The following RBM47 variants were observed in gnomAD, a reference collection of about 807,000 sequenced individuals.
The protein encoded by RBM47 is RNA-binding protein 47.
Under a neutral mutation model 47.1 loss-of-function variants are expected in RBM47, and 21 were observed. That is an observed-to-expected ratio of 0.45 (90% CI 0.32 to 0.64). The LOEUF (loss-of-function observed/expected upper bound fraction) is 0.64. Among genes scored for constraint, RBM47 ranks in the 30% least tolerant of loss-of-function variants. The probability of loss-of-function intolerance (pLI) is 0.05; values close to 1 mark genes in which losing one functional copy is unlikely to be tolerated. For synonymous variants in RBM47, 375 were observed against 361.7 expected (o/e 1.04, Z -0.42); for missense variants, 708 against 870.9 (o/e 0.81, Z 2.35).
intron 2 of RBM47, among the ~76,000 whole-genome samples, chr4:40,522,988 T>A (rs1027124439): frequency 7.5e-5 from 10 of 133,434 alleles, no homozygotes; most frequent in African/African-American, 3.2e-4. Flanking sequence ...TTTTTTTTTT[T>A]ACACAGAGTC....
At chr4:40,437,192 T>C (rs1712777273) in intron 4 of RBM47, among the ~76,000 whole-genome samples, 1 of 90,582 alleles carries the variant, frequency 1.1e-5, no homozygotes, top group South Asian at 4.6e-4. Flanking sequence ...TATATACTAT[T>C]AAATAATTTT....
At chr4:40,428,665 C>T (rs1331547286) in intron 6 of RBM47, among the ~76,000 whole-genome samples, 1 of 152,182 alleles carries the variant, frequency 6.6e-6, no homozygotes, top group Non-Finnish European at 1.5e-5. Flanking sequence ...TTCAGGCTGC[C>T]CACTCCAACA....
At chr4:40,574,388 C>T (rs567606056) in intron 1 of RBM47, among the ~76,000 whole-genome samples, 1 of 152,160 alleles carries the variant, frequency 6.6e-6, no homozygotes, top group Non-Finnish European at 1.5e-5. Context: ...CTGAGACAAA[C>T]TGAAAAGTTA....
At chr4:40,550,907 C>CAA (rs796760473) in intron 1 of RBM47, among the ~76,000 whole-genome samples, 2 of 133,556 alleles carry the variant, frequency 1.5e-5, no homozygotes, top group Admixed American at 7.5e-5. Context: ...TCAAGGAATG[C>CAA]AAAAAAAAAA....
At chr4:40,512,057 G>C (rs114445213) in intron 2 of RBM47, among the ~76,000 whole-genome samples, 1,775 of 152,210 alleles carry the variant, frequency 0.012, 31 homozygotes, top group East Asian at 0.054. Flanking sequence ...TTTGTTTTTA[G>C]ATTTTTCCCC....
At chr4:40,490,596 GATCTAGGCC>G (rs1251497109) in intron 2 of RBM47, among the ~76,000 whole-genome samples, 2 of 151,878 alleles carry the variant, frequency 1.3e-5, no homozygotes, top group African/African-American at 4.8e-5. Context: ...AGAAATCAAA[GATCTAGGCC>G]ATCTATTAAA....
intron 2 of RBM47, among the ~76,000 whole-genome samples, chr4:40,506,401 T>A (rs1724103572): frequency 6.6e-6 from 1 of 152,196 alleles, no homozygotes; most frequent in Non-Finnish European, 1.5e-5. Flanking sequence ...CAAACTGAGA[T>A]CTCCTAGACA....
At chr4:40,615,032 A>G (rs62301884) in intron 1 of RBM47, among the ~76,000 whole-genome samples, 16,525 of 152,078 alleles carry the variant, frequency 0.11, 972 homozygotes, top group South Asian at 0.12. Context: ...AGGCTGAGGC[A>G]GAAGGATCGT....
chr4:40,553,846 C>A (rs1729808537), intron 1 of RBM47, among the ~76,000 whole-genome samples: 1 of 152,150 alleles, frequency 6.6e-6, no homozygotes, highest in African/African-American at 2.4e-5. Context: ...TACTTGAATT[C>A]AGAGTGCTGA....
rs1419096057 is a variant in RBM47 at position 40,544,490 on chromosome 4, G to A, written c.-223C>T. 2 of 152,082 alleles carry A rather than the reference G, an allele frequency of 1.3e-5. No individual in the cohort carries two copies. The highest frequency in any genetic ancestry group is 2.9e-5 in the Non-Finnish European group (2 of 68,022). 9.4% of individuals were successfully genotyped at this position (152,082 alleles called of 1,614,324 possible). On this transcript the variant is annotated 5_prime_UTR_variant, in exon 2 of 7. Coordinates refer to ENST00000295971, the MANE Select transcript of RBM47 (RefSeq NM_001098634.2). ...GACCTGACGCAGAGTCTCTTTCCAAGGCCTCCGTTACCTGAGCTGTGAAAT... is the reference window on the plus strand; with the variant it reads ...GACCTGACGCAGAGTCTCTTTCCAAAGCCTCCGTTACCTGAGCTGTGAAAT...
intron 2 of RBM47, among the ~76,000 whole-genome samples, chr4:40,530,313 CT>C (rs1303293054): frequency 2.6e-5 from 4 of 151,198 alleles, no homozygotes; most frequent in Admixed American, 6.6e-5. Flanking sequence ...TTTTCTTCTT[CT>C]TTTTTTCGAG....
At chr4:40,470,388 C>A (rs1305290345) in intron 2 of RBM47, among the ~76,000 whole-genome samples, 1 of 152,106 alleles carries the variant, frequency 6.6e-6, no homozygotes, top group Non-Finnish European at 1.5e-5. Context: ...ATCTCACAGC[C>A]GCTCATGACT....
At chr4:40,545,333 G>A (rs1728926800) in intron 1 of RBM47, among the ~76,000 whole-genome samples, 2 of 149,116 alleles carry the variant, frequency 1.3e-5, no homozygotes, top group Admixed American at 1.3e-4. Flanking sequence ...TTACAGGCGT[G>A]AGCCACGGCG....
At chr4:40,448,109 T>C (rs954150815) in intron 3 of RBM47, among the ~76,000 whole-genome samples, 6 of 152,072 alleles carry the variant, frequency 3.9e-5, no homozygotes, top group Non-Finnish European at 5.9e-5. Context: ...AGGTAGAGAA[T>C]TGCTTGAACC....
At chr4:40,518,886 G>A (rs1173217020) in intron 2 of RBM47, among the ~76,000 whole-genome samples, 1 of 152,116 alleles carries the variant, frequency 6.6e-6, no homozygotes, top group East Asian at 1.9e-4. Flanking sequence ...CCACAGGTTG[G>A]ACAAGCCTGG....
At chr4:40,576,111 C>A (rs1475756599) in intron 1 of RBM47, among the ~76,000 whole-genome samples, 1 of 152,232 alleles carries the variant, frequency 6.6e-6, no homozygotes, top group African/African-American at 2.4e-5. Flanking sequence ...TCTTTCCTCA[C>A]CTCCTCCTGG....
At chr4:40,428,685 G>T (rs62302003) in intron 6 of RBM47, among the ~76,000 whole-genome samples, 1 of 152,188 alleles carries the variant, frequency 6.6e-6, no homozygotes, top group African/African-American at 2.4e-5. Flanking sequence ...ACCAAGTTTT[G>T]CACATAGACA....
rs189850759 is a variant in RBM47, at chr4:40,464,671, G to A, written c.-32+1906C>T. Among the ~76,000 whole-genome samples, 131 of 151,718 alleles carry A rather than the reference G, an allele frequency of 8.6e-4. 2 individuals carry two copies. The highest frequency in any genetic ancestry group is 2.8e-3 in the African/African-American group (117 of 41,384). On this transcript the variant is annotated intron_variant, in intron 3 of 6. Coordinates refer to ENST00000295971, the MANE Select transcript of RBM47 (RefSeq NM_001098634.2). ...TACCAGCACTTTGGGAGGCCGAGGC[G>A]GGAGGATCACGAGGTCAGGAGATCG...
chr4:40,456,691 A>G (rs1716322426), intron 3 of RBM47, among the ~76,000 whole-genome samples: 1 of 149,060 alleles, frequency 6.7e-6, no homozygotes. Flanking sequence ...TCGACCTCTC[A>G]GGCTCAAGGG....
Sources: gnomAD v4.1 joint callset for allele counts (sites outside exome capture counted in the v4.1 genomes callset) on GRCh38, gnomAD v4.1.1 for gene constraint, MANE v1.5 for transcripts, NCBI Gene and HGNC (gene_info 2026-07-23, HGNC 2026-07-21) for gene names.